Variants in PIGN observed in about 807,000 individuals in gnomAD.
The protein encoded by PIGN is GPI ethanolamine phosphate transferase 1.
In PIGN, 117 loss-of-function variants were observed where a neutral mutation model predicts 125.4. The observed-to-expected ratio is 0.93, with a 90% CI of 0.80 to 1.09. PIGN has a LOEUF of 1.09. Ranked by LOEUF, PIGN falls within the 50% of genes least tolerant of loss-of-function variation. The probability of loss-of-function intolerance (pLI) is 0.00; values close to 1 mark genes in which losing one functional copy is unlikely to be tolerated. For missense variants in PIGN, 1,075 were observed against 1,094.9 expected, an observed-to-expected ratio of 0.98 and a Z score of 0.26; for synonymous variants, 392 against 377.8, an observed-to-expected ratio of 1.04 and a Z score of -0.44.
At chr18:62,047,025 CAAT>C (rs2030774428) in intron 30 of PIGN, among the ~76,000 whole-genome samples, 2 of 152,316 alleles carry the variant, frequency 1.3e-5, no homozygotes, top group East Asian at 3.9e-4. Context: ...CCCCAAAAAA[CAAT>C]AATACCACCA....
intron 14 of PIGN, among the ~76,000 whole-genome samples, chr18:62,119,714 C>T (rs935643215): frequency 1.3e-5 from 2 of 151,734 alleles, no homozygotes; most frequent in African/African-American, 4.8e-5. Context: ...TGTGGTGATG[C>T]ATGCCTTTAA....
At chr18:62,035,965 C>T (rs941789908) in intron 23 of PIGN, among the ~76,000 whole-genome samples, 1 of 152,146 alleles carries the variant, frequency 6.6e-6, no homozygotes, top group Admixed American at 6.5e-5. Context: ...CAGTCATCAT[C>T]CATCTTCCAG....
At chr18:62,117,875 TG>T (rs1351458259) in intron 14 of PIGN, among the ~76,000 whole-genome samples, 1 of 152,094 alleles carries the variant, frequency 6.6e-6, no homozygotes, top group African/African-American at 2.4e-5. Flanking sequence ...GTTCCACCCA[TG>T]TTGCTGCAAA....
intron 7 of PIGN, 144 bp from the exon 8 acceptor site, chr18:62,148,482 C>CTTTGCTG (rs1473310031): frequency 1.2e-5 from 6 of 487,258 alleles, no homozygotes; most frequent in Non-Finnish European, 2.1e-5. Context: ...CCTACCAACA[C>CTTTGCTG]AACGTCTTTG....
chr18:62,040,024 C>A (rs868125183), downstream of PIGN, among the ~76,000 whole-genome samples: 7 of 110,900 alleles, frequency 6.3e-5, no homozygotes, highest in South Asian at 3.8e-4. Flanking sequence ...GGTGCCGCAC[C>A]CCATGTTTAG....
chr18:62,140,651 TG>T (rs2147174058), intron 11 of PIGN, among the ~76,000 whole-genome samples, 172 bp from the exon 12 acceptor site: 1 of 152,244 alleles, frequency 6.6e-6, no homozygotes, highest in East Asian at 1.9e-4. Context: ...ATTTGCTAGA[TG>T]TATATGAACC....
At chr18:62,154,722 C>G in intron 6 of PIGN, 71 bp from the exon 7 acceptor site, 1 of 750,236 alleles carries the variant, frequency 1.3e-6, no homozygotes, top group East Asian at 2.5e-5. Context: ...ATGAGCTAGT[C>G]ATTCACAGAT....
chr18:62,067,982 G>A (rs2032623699), intron 30 of PIGN, among the ~76,000 whole-genome samples: 1 of 152,178 alleles, frequency 6.6e-6, no homozygotes, highest in African/African-American at 2.4e-5. Context: ...TTTAGGATGA[G>A]CGGGAGGGAT....
At chr18:62,046,039 A>AT (rs1004875263) in intron 30 of PIGN, 60 bp from the exon 31 acceptor site, 5 of 1,535,318 alleles carry the variant, frequency 3.3e-6, no homozygotes, top group Middle Eastern at 1.7e-4. Flanking sequence ...AAATCATGAG[A>AT]TTCCTCTGAA....
At chr18:62,143,483 A>T in intron 10 of PIGN, 137 bp from the exon 11 acceptor site, 1 of 558,300 alleles carries the variant, frequency 1.8e-6, no homozygotes, top group South Asian at 2.7e-5. Flanking sequence ...ATGAATAAAA[A>T]TCATGCTTAA....
chr18:62,118,169 C>A (rs1241292974), intron 14 of PIGN, among the ~76,000 whole-genome samples: 4 of 151,854 alleles, frequency 2.6e-5, no homozygotes, highest in African/African-American at 9.7e-5. Flanking sequence ...TAAACTGCAA[C>A]TTTGCCTCCA....
At chr18:62,066,686 T>C (rs1031700157) in intron 30 of PIGN, among the ~76,000 whole-genome samples, 2 of 152,208 alleles carry the variant, frequency 1.3e-5, no homozygotes, top group African/African-American at 2.4e-5. Flanking sequence ...TGTGTAGCAA[T>C]GCACAGCCTT....
At chr18:62,185,340 G>A (rs554907428) in intron 1 of PIGN, among the ~76,000 whole-genome samples, 21 of 151,958 alleles carry the variant, frequency 1.4e-4, no homozygotes, top group African/African-American at 4.8e-4. Flanking sequence ...TTAATATATG[G>A]CACAGAAAAC....
chr18:62,160,219 C>A (rs2036898851), intron 4 of PIGN, among the ~76,000 whole-genome samples: 1 of 152,206 alleles, frequency 6.6e-6, no homozygotes, highest in African/African-American at 2.4e-5. Flanking sequence ...CTCTTGAATT[C>A]TATTTTAATC....
chr18:62,101,409 C>T (rs148606021), intron 21 of PIGN, among the ~76,000 whole-genome samples: 127 of 152,204 alleles, frequency 8.3e-4, no homozygotes, highest in Admixed American at 1.8e-3. Flanking sequence ...GTATGTCTAA[C>T]AAAGCACGTA....
At chr18:62,109,024 T>A (rs1282206479) in intron 17 of PIGN, among the ~76,000 whole-genome samples, 1 of 152,216 alleles carries the variant, frequency 6.6e-6, no homozygotes, top group Non-Finnish European at 1.5e-5. Flanking sequence ...ATACCCTTAT[T>A]ATAATAGGCT....
intron 25 of PIGN, 129 bp from the exon 26 acceptor site, chr18:62,085,393 A>G: frequency 1.5e-6 from 1 of 676,962 alleles, no homozygotes. Flanking sequence ...ATTGTTTTCA[A>G]TGAACATTCC....
chr18:62,018,711 G>T (rs1328821422), intron 23 of PIGN, among the ~76,000 whole-genome samples: 1 of 152,122 alleles, frequency 6.6e-6, no homozygotes, highest in African/African-American at 2.4e-5. Context: ...ATTTTCCAAG[G>T]CCTCCCAGAC....
At chr18:62,136,107 T>C (rs1455812763) in intron 14 of PIGN, 1 of 152,148 alleles carries the variant, frequency 6.6e-6, no homozygotes, top group Non-Finnish European at 1.5e-5. Flanking sequence ...TATATATTCC[T>C]CAGAACCAAT....
Sources: gnomAD v4.1 joint callset for allele counts (sites outside exome capture counted in the v4.1 genomes callset) on GRCh38, gnomAD v4.1.1 for gene constraint, MANE v1.5 for transcripts, NCBI Gene and HGNC (gene_info 2026-07-23, HGNC 2026-07-21) for gene names.